UBE2R2: variants seen among roughly 807,000 people sequenced by gnomAD.
UBE2R2 encodes ubiquitin-conjugating enzyme E2 R2.
A neutral mutation model predicts 27.8 loss-of-function variants in UBE2R2; 1 was observed. That is an observed-to-expected ratio of 0.04 (90% CI 0.01 to 0.17). UBE2R2 has a LOEUF of 0.17. Among genes scored for constraint, UBE2R2 ranks in the 10% least tolerant of loss-of-function variants. The pLI is 1.00. For synonymous variants in UBE2R2, 106 were observed against 113.3 expected, an observed-to-expected ratio of 0.94 and a Z score of 0.41; for missense variants, 100 against 291.0, an observed-to-expected ratio of 0.34 and a Z score of 4.78.
intron 2 of UBE2R2, among the ~76,000 whole-genome samples, chr9:33,897,796 A>G (rs1278021197): frequency 8.8e-6 from 1 of 114,094 alleles, no homozygotes; most frequent in African/African-American, 3.5e-5. Flanking sequence ...TTTTTTTGAG[A>G]TGGAGTTTTG....
intron 1 of UBE2R2, among the ~76,000 whole-genome samples, chr9:33,865,491 T>C (rs1821341404): frequency 6.6e-6 from 1 of 152,244 alleles, no homozygotes; most frequent in Non-Finnish European, 1.5e-5. Context: ...CCACCACGCC[T>C]GGCCTTCTAA....
chr9:33,816,725 C>T (rs1825769098), upstream of UBE2R2, among the ~76,000 whole-genome samples: 1 of 152,198 alleles, frequency 6.6e-6, no homozygotes, highest in African/African-American at 2.4e-5. Flanking sequence ...CTGGGTGTCA[C>T]GGGGAGGGGC....
intron 4 of UBE2R2, among the ~76,000 whole-genome samples, chr9:33,916,128 G>A (rs924844589): frequency 4.6e-5 from 7 of 152,198 alleles, no homozygotes; most frequent in African/African-American, 1.4e-4. Flanking sequence ...AGATCATGAG[G>A]CCAGGAGTTC....
chr9:33,913,032 C>T (rs1822528859), intron 4 of UBE2R2, among the ~76,000 whole-genome samples: 1 of 150,372 alleles, frequency 6.7e-6, no homozygotes, highest in South Asian at 2.1e-4. Context: ...GTGATCTCGG[C>T]TCACTGCAGC....
At chr9:33,854,217 G>A (rs1332095582) in intron 1 of UBE2R2, among the ~76,000 whole-genome samples, 1 of 151,918 alleles carries the variant, frequency 6.6e-6, no homozygotes, top group Non-Finnish European at 1.5e-5. Context: ...CTGGTTATTT[G>A]GATTTTATTG....
At position 33,827,378 on chromosome 9, in the gene UBE2R2, C is replaced by A. The variant is rs574403869; in HGVS notation, c.177+9444C>A. On this transcript the variant is annotated intron_variant, in intron 1 of 4. Coordinates refer to ENST00000263228, the MANE Select transcript of UBE2R2 (RefSeq NM_017811.4). ...TAAATAGGCTGGGCACCGTGGCTCA[C>A]GCCTGTAATCCCAGCACTTTGGGAT... 8.5e-5 allele frequency among the ~76,000 whole-genome samples: 13 copies of A among 152,102 alleles called. No homozygotes were observed. In the South Asian group the frequency reaches 2.1e-3, roughly 24 times the overall value.
chr9:33,832,723 T>A (rs55660309), intron 1 of UBE2R2, among the ~76,000 whole-genome samples: 29,625 of 151,882 alleles, frequency 0.2, 3,521 homozygotes, highest in East Asian at 0.55. Context: ...TTTAATTAAA[T>A]TTTTTCAAGG....
chr9:33,859,799 T>TGAGA (rs376101396), intron 1 of UBE2R2, among the ~76,000 whole-genome samples: 38 of 86,580 alleles, frequency 4.4e-4, no homozygotes, highest in South Asian at 9.2e-4. Flanking sequence ...TGTGTGTGTG[T>TGAGA]GAGAGAGAGA....
chr9:33,839,378 C>T (rs1017710533), intron 1 of UBE2R2, among the ~76,000 whole-genome samples: 3 of 152,080 alleles, frequency 2.0e-5, no homozygotes, highest in African/African-American at 7.2e-5. Context: ...GCTGAGATAA[C>T]AGGCTCCTGC....
chr9:33,843,586 C>G (rs1291598938), intron 1 of UBE2R2, among the ~76,000 whole-genome samples: 1 of 150,670 alleles, frequency 6.6e-6, no homozygotes, highest in African/African-American at 2.5e-5. Context: ...TTGAGCGATC[C>G]TCCTGCCTCA....
chr9:33,908,791 C>A (rs1822420024), intron 3 of UBE2R2, among the ~76,000 whole-genome samples: 2 of 152,048 alleles, frequency 1.3e-5, no homozygotes, highest in South Asian at 4.1e-4. Context: ...CTGTGTTGTC[C>A]AATGTGGTAG....
At chr9:33,849,016 G>C (rs1820905642) in intron 1 of UBE2R2, among the ~76,000 whole-genome samples, 1 of 151,856 alleles carries the variant, frequency 6.6e-6, no homozygotes, top group South Asian at 2.1e-4. Context: ...CAGTACTTTG[G>C]GAGGCCAAGG....
intron 1 of UBE2R2, among the ~76,000 whole-genome samples, chr9:33,836,500 G>C (rs1416976120): frequency 6.6e-6 from 1 of 151,980 alleles, no homozygotes; most frequent in Non-Finnish European, 1.5e-5. Flanking sequence ...TCATGCCTAT[G>C]ATCCCAGTAC....
chr9:33,881,627 G>A (rs1350392999), intron 1 of UBE2R2, among the ~76,000 whole-genome samples: 2 of 152,136 alleles, frequency 1.3e-5, no homozygotes, highest in African/African-American at 4.8e-5. Flanking sequence ...GGATGGGTCA[G>A]GTTTGGTAGA....
At chr9:33,827,176 TAGTC>T (rs1355880835) in intron 1 of UBE2R2, among the ~76,000 whole-genome samples, 2 of 152,134 alleles carry the variant, frequency 1.3e-5, no homozygotes, top group South Asian at 2.1e-4. Flanking sequence ...AAAAAAAAAT[TAGTC>T]AAGCATGGCA....
At chr9:33,851,800 A>T (rs1276795853) in intron 1 of UBE2R2, among the ~76,000 whole-genome samples, 1 of 152,188 alleles carries the variant, frequency 6.6e-6, no homozygotes, top group African/African-American at 2.4e-5. Context: ...CAATGGACTC[A>T]TCTCCTATTT....
intron 1 of UBE2R2, among the ~76,000 whole-genome samples, chr9:33,822,925 A>G (rs1181858806): frequency 4.8e-5 from 2 of 42,018 alleles, no homozygotes; most frequent in East Asian, 4.3e-4. Context: ...TTTTTTTTTT[A>G]GCTGAGTCTC....
chr9:33,898,071 G>A (rs1046845669), intron 2 of UBE2R2, among the ~76,000 whole-genome samples: 8 of 151,186 alleles, frequency 5.3e-5, no homozygotes, highest in African/African-American at 1.5e-4. Context: ...CACCACGCCC[G>A]GCTCTCTTCT....
chr9:33,888,327 A>G (rs1430879476), intron 2 of UBE2R2, among the ~76,000 whole-genome samples: 1 of 152,104 alleles, frequency 6.6e-6, no homozygotes, highest in Non-Finnish European at 1.5e-5. Context: ...ACAAAAAAAA[A>G]TTCTGTAATC....
Sources: allele counts gnomAD v4.1 joint callset (sites outside exome capture counted in the v4.1 genomes callset), GRCh38; gene constraint gnomAD v4.1.1; transcripts MANE v1.5; gene names NCBI Gene and HGNC (gene_info 2026-07-23, HGNC 2026-07-21).